The following UGT2A1 variants were observed in gnomAD, a reference collection of about 807,000 sequenced individuals.
UGT2A1 encodes UDP-glucuronosyltransferase 2A1.
In UGT2A1, 61 loss-of-function variants were observed where a neutral mutation model predicts 45.4. That is an observed-to-expected ratio of 1.34 (90% confidence interval 1.09 to 1.66). The LOEUF is 1.66. Ranked by LOEUF, UGT2A1 falls within the 40% of genes most tolerant of loss-of-function variation. The probability of loss-of-function intolerance (pLI) is 0.00; values close to 1 mark genes in which losing one functional copy is unlikely to be tolerated. For missense variants in UGT2A1, 649 were observed against 574.3 expected (o/e 1.13, Z -1.33); for synonymous variants, 229 against 196.2 (o/e 1.17, Z -1.40).
rs1188921879 is a variant in UGT2A1 at position 69,647,171 on chromosome 4, T to C, written c.474A>G (p.Ile158Met). The C allele has an allele frequency of 1.2e-6, 2 of 1,613,048 alleles. No individual in the cohort carries two copies. The highest frequency in any genetic ancestry group is 1.7e-6 in the Non-Finnish European group (2 of 1,179,432). Residue 158 changes from isoleucine to methionine, a missense_variant, in exon 2 of 7, where the codon ATA becomes ATG. Coordinates refer to ENST00000286604, the MANE Select transcript of UGT2A1 (RefSeq NM_001252275.3). ...VSDPVFPCGDIVALKLGIPFM... is the reference protein window; with the variant it reads ...VSDPVFPCGDMVALKLGIPFM... ...ATGGAATTCCAAGTTTTAAAGCTAC[T>C]ATATCGCCACAAGGAAATACTGGAT...
chr4:69,619,717 C>T (rs562186264), intron 3 of UGT2A1, among the ~76,000 whole-genome samples: 1 of 151,970 alleles, frequency 6.6e-6, no homozygotes, highest in Admixed American at 6.6e-5. Context: ...AAAATTCAGG[C>T]CAACAACCTT....
chr4:69,606,879 T>A (rs1381471802), intron 3 of UGT2A1, among the ~76,000 whole-genome samples: 1 of 135,830 alleles, frequency 7.4e-6, no homozygotes, highest in Non-Finnish European at 1.6e-5. Flanking sequence ...CGTAAGGACC[T>A]CTTCAAGAAC....
At chr4:69,623,564 A>G (rs28556671) in intron 3 of UGT2A1, among the ~76,000 whole-genome samples, 52,779 of 150,700 alleles carry the variant, frequency 0.35, 9,551 homozygotes, top group African/African-American at 0.43. Context: ...AATATTTTAC[A>G]TTATTTAATG....
chr4:69,606,538 C>T lies in UGT2A1; in HGVS notation c.848-7144G>A, dbSNP rs1392694833. Among the ~76,000 whole-genome samples, 5 of 136,412 alleles carry T rather than the reference C, an allele frequency of 3.7e-5. 1 individual carries two copies. The highest frequency in any genetic ancestry group is 7.8e-5 in the Non-Finnish European group (5 of 64,254). 89.5% of individuals were successfully genotyped at this position (136,412 alleles called of 152,430 possible). A position where few individuals can be genotyped will look rare whatever the true frequency, so the allele number is the denominator to read the frequency against. ...AAGACAGGGATGCCCTCTCTCACCA[C>T]TCCTATTCAACATAGTGTTGGAAGT... is the stretch of plus-strand genomic sequence containing the variant. On this transcript the variant is annotated intron_variant, in intron 3 of 6. Coordinates refer to ENST00000286604, the MANE Select transcript of UGT2A1 (RefSeq NM_001252275.3).
At chr4:69,611,983 C>T (rs1460637733) in intron 3 of UGT2A1, among the ~76,000 whole-genome samples, 1 of 151,900 alleles carries the variant, frequency 6.6e-6, no homozygotes, top group Non-Finnish European at 1.5e-5. Flanking sequence ...TGACTTGTCC[C>T]TGTGTGGAAG....
In UGT2A1 at chr4:69,594,708, ATGGAGTGAGAAG is replaced by A. The variant is rs1440648800; in HGVS notation, c.1085-24_1085-13del. On this transcript the variant is annotated splice_polypyrimidine_tract_variant and intron_variant, in intron 5 of 6. Coordinates refer to ENST00000286604, the MANE Select transcript of UGT2A1 (RefSeq NM_001252275.3). ...GGTTTTGGGATGTCCTAATTTGAGG[ATGGAGTGAGAAG>A]TGGGTGTGTAATAATAACACATTAG... 6.2e-7 allele frequency: 1 copy of A among 1,609,434 alleles called. No individual in the cohort carries two copies. Among genetic ancestry groups the A allele is most frequent in the Non-Finnish European group, 8.5e-7 (1 of 1,177,286 alleles).
At chr4:69,598,436 C>T (rs1719063433) in intron 4 of UGT2A1, among the ~76,000 whole-genome samples, 1 of 152,046 alleles carries the variant, frequency 6.6e-6, no homozygotes, top group Non-Finnish European at 1.5e-5. Flanking sequence ...TTATATTCCA[C>T]ATTTCTTTTC....
chr4:69,626,149 G>A (rs966938480), intron 3 of UGT2A1, among the ~76,000 whole-genome samples: 2 of 150,890 alleles, frequency 1.3e-5, no homozygotes, highest in Non-Finnish European at 3.0e-5. Context: ...TGGATACTGG[G>A]CTATTTTTTT....
chr4:69,595,694 T>G (rs1370470443), intron 4 of UGT2A1, among the ~76,000 whole-genome samples: 2 of 152,206 alleles, frequency 1.3e-5, no homozygotes, highest in African/African-American at 4.8e-5. Context: ...TTGAATAACA[T>G]AAGTCAGAAA....
intron 6 of UGT2A1, among the ~76,000 whole-genome samples, chr4:69,591,429 A>T (rs1718592603): frequency 2.0e-5 from 3 of 152,172 alleles, no homozygotes; most frequent in Non-Finnish European, 4.4e-5. Flanking sequence ...AAGACCTGGG[A>T]TCAAAGGGAA....
At chr4:69,594,140 A>G (rs1228586251) in intron 6 of UGT2A1, among the ~76,000 whole-genome samples, 2 of 151,674 alleles carry the variant, frequency 1.3e-5, no homozygotes, top group African/African-American at 4.8e-5. Context: ...ATACCCGGCT[A>G]AATTTTTGTA....
At chr4:69,613,300 T>C (rs1181271168) in intron 3 of UGT2A1, among the ~76,000 whole-genome samples, 3 of 151,896 alleles carry the variant, frequency 2.0e-5, no homozygotes, top group African/African-American at 7.2e-5. Flanking sequence ...ATCCAAAACC[T>C]GAACGAGGCA....
At chr4:69,592,262 G>A (rs1718635933) in intron 6 of UGT2A1, among the ~76,000 whole-genome samples, 1 of 152,024 alleles carries the variant, frequency 6.6e-6, no homozygotes, top group Admixed American at 6.6e-5. Flanking sequence ...TTCAAGCTTG[G>A]ACTCTACATG....
chr4:69,593,967 C>A (rs937386565), intron 6 of UGT2A1, among the ~76,000 whole-genome samples: 3 of 107,880 alleles, frequency 2.8e-5, no homozygotes, highest in Non-Finnish European at 3.7e-5. Flanking sequence ...TATTTGAAGT[C>A]TTTTTTTTTG....
intron 3 of UGT2A1, among the ~76,000 whole-genome samples, chr4:69,608,719 G>T (rs989774451): frequency 6.6e-6 from 1 of 151,990 alleles, no homozygotes; most frequent in Non-Finnish European, 1.5e-5. Context: ...TTTAGAGACA[G>T]AGCTTCACTC....
At chr4:69,591,247 G>T (rs935370112) in intron 6 of UGT2A1, among the ~76,000 whole-genome samples, 15 of 152,152 alleles carry the variant, frequency 9.9e-5, no homozygotes, top group African/African-American at 3.6e-4. Context: ...GCCCAAGGTG[G>T]CTGGGGTGCA....
rs1024884853 is a variant in UGT2A1 at position 69,624,680 on chromosome 4, A to G, written c.847+11011T>C. ...ATTTGCAATTAGTATCATTTTTAGC[A>G]TAACAACTTTACGACAGTATACTTC... is the stretch of plus-strand genomic sequence containing the variant. On this transcript the variant is annotated intron_variant, in intron 3 of 6. Transcript: ENST00000286604. Among the ~76,000 whole-genome samples, 3 of 151,298 alleles carry G rather than the reference A, an allele frequency of 2.0e-5. No individual in the cohort carries two copies. The Admixed American group carries it at 2.0e-4, about 10-fold the overall frequency.
At position 69,588,556 on chromosome 4, in the gene UGT2A1, A is replaced by T. The variant is rs1171025357; in HGVS notation, c.*816T>A. Reference sequence around the variant, plus strand: ...TATGTAATTATTTGTACAGTTGACTAAAAATTTTATAAAAATGATAATTAT... The same window carrying T: ...TATGTAATTATTTGTACAGTTGACTTAAAATTTTATAAAAATGATAATTAT... On this transcript the variant is annotated 3_prime_UTR_variant, in exon 7 of 7. Coordinates refer to ENST00000286604, the MANE Select transcript of UGT2A1 (RefSeq NM_001252275.3). The T allele has an allele frequency of 2.0e-5, 3 of 152,104 alleles. No homozygotes were observed. The highest frequency in any genetic ancestry group is 7.2e-5 in the African/African-American group (3 of 41,448). 9.4% of individuals were successfully genotyped at this position (152,104 alleles called of 1,614,324 possible).
chr4:69,602,484 T>TATC (rs1257250698), intron 3 of UGT2A1, among the ~76,000 whole-genome samples: 1 of 136,204 alleles, frequency 7.3e-6, no homozygotes, highest in Non-Finnish European at 1.6e-5. Context: ...TCTATCTATC[T>TATC]ATCTATCTAT....
Sources: allele counts gnomAD v4.1 joint callset (sites outside exome capture counted in the v4.1 genomes callset), GRCh38; gene constraint gnomAD v4.1.1; transcripts MANE v1.5; gene names NCBI Gene and HGNC (gene_info 2026-07-23, HGNC 2026-07-21).